PTPRN2: variants seen among roughly 807,000 people sequenced by gnomAD.
The protein encoded by PTPRN2 is protein tyrosine phosphatase receptor type N2, also known as receptor-type tyrosine-protein phosphatase N2.
Under a neutral mutation model 118.8 loss-of-function variants are expected in PTPRN2, and 74 were observed. That is an observed-to-expected ratio of 0.62 (90% confidence interval 0.52 to 0.76). The LOEUF is 0.76. Among genes scored for constraint, PTPRN2 ranks in the 30% least tolerant of loss-of-function variants. The probability of loss-of-function intolerance (pLI) is 0.00; values close to 1 mark genes in which losing one functional copy is unlikely to be tolerated. For missense variants in PTPRN2, 1,481 were observed against 1,394.4 expected, an observed-to-expected ratio of 1.06 and a Z score of -0.99; for synonymous variants, 641 against 608.0, an observed-to-expected ratio of 1.05 and a Z score of -0.80.
chr7:157,780,618 A>G lies in PTPRN2; in HGVS notation c.1789-97681T>C, dbSNP rs1449697833. Among the ~76,000 whole-genome samples, 1 of 152,154 alleles carries G rather than the reference A, an allele frequency of 6.6e-6. No individual in the cohort carries two copies. Among genetic ancestry groups the G allele is most frequent in the Admixed American group, 6.5e-5 (1 of 15,280 alleles). On this transcript the variant is annotated intron_variant, in intron 12 of 22. Transcript: ENST00000389418. This position sits in a 1 kb window ranked among gnomAD's most constrained non-coding sequence, Gnocchi z 4.5. ...ACCGTGAGAGGCCCCTGGACAAGGG[A>G]CTGCCTTCCTCTGTGCCTCAGTTTC...
chr7:157,702,914 G>A (rs1304179607), intron 12 of PTPRN2, among the ~76,000 whole-genome samples: 2 of 152,166 alleles, frequency 1.3e-5, no homozygotes, highest in African/African-American at 4.8e-5. Flanking sequence ...TACCTGAGGG[G>A]CCAAAATAGC....
chr7:158,544,894 G>A lies in PTPRN2; in HGVS notation c.112+42664C>T, dbSNP rs1826196103. Among the ~76,000 whole-genome samples, 3 of 152,250 alleles carry A rather than the reference G, an allele frequency of 2.0e-5. No homozygotes were observed. In the South Asian group the frequency reaches 6.2e-4, roughly 32 times the overall value. On this transcript the variant is annotated intron_variant, in intron 1 of 22. Transcript: ENST00000389418. The surrounding 1 kb of genome is among the most constrained non-coding windows in gnomAD (Gnocchi z 4.2). ...AACACTTACACCTGCCCACACTGGT[G>A]CTCACACTCACGTGATCACACCCAC...
rs887974554 is a variant in PTPRN2, at chr7:158,003,609, C to A, written c.1723+77689G>T. Among the ~76,000 whole-genome samples the A allele has an allele frequency of 6.6e-6, 1 of 152,058 alleles. No homozygotes were observed. The highest frequency in any genetic ancestry group is 2.4e-5 in the African/African-American group (1 of 41,402). On this transcript the variant is annotated intron_variant, in intron 11 of 22. Transcript: ENST00000389418. The surrounding 1 kb of genome is among the most constrained non-coding windows in gnomAD (Gnocchi z 5.0). ...AGCCCTGCCCACAGGCGTCCCAGAC[C>A]CAGGCCTTGGGGACTGCAGAGGATG...
At chr7:158,518,378 T>C (rs976520495) in intron 1 of PTPRN2, among the ~76,000 whole-genome samples, 18 of 151,980 alleles carry the variant, frequency 1.2e-4, no homozygotes, top group African/African-American at 4.1e-4. Flanking sequence ...GAGAAGGATA[T>C]GAACACACAG....
chr7:158,208,007 G>A (rs975391501), intron 3 of PTPRN2, among the ~76,000 whole-genome samples: 1 of 152,212 alleles, frequency 6.6e-6, no homozygotes, highest in African/African-American at 2.4e-5. Flanking sequence ...ACCCATTGCA[G>A]AATGCCTCAG....
chr7:158,587,403 C>T (rs1269791963), intron 1 of PTPRN2, among the ~76,000 whole-genome samples, 155 bp downstream of exon 1: 1 of 90,294 alleles, frequency 1.1e-5, no homozygotes, highest in Non-Finnish European at 2.3e-5. Context: ...ACTGAGGCGC[C>T]GCCCCTCCCC....
chr7:158,126,074 AACTTCCTCTCC>A (rs1817642602), intron 9 of PTPRN2, among the ~76,000 whole-genome samples: 7 of 134,548 alleles, frequency 5.2e-5, no homozygotes, highest in African/African-American at 9.0e-5. Context: ...CGGGCGGCGG[AACTTCCTCTCC>A]GCCACACCAG....
At chr7:157,757,424 T>C (rs565719473) in intron 12 of PTPRN2, among the ~76,000 whole-genome samples, 1 of 151,764 alleles carries the variant, frequency 6.6e-6, no homozygotes, top group East Asian at 2.0e-4. Context: ...GAGGCAGGAG[T>C]GCTGGAGCTC....
At chr7:157,648,828 T>G (rs1805360594) in intron 14 of PTPRN2, among the ~76,000 whole-genome samples, 1 of 145,408 alleles carries the variant, frequency 6.9e-6, no homozygotes, top group Non-Finnish European at 1.5e-5. Context: ...TGCACTGAAC[T>G]CGGTGGGTCG....
At position 158,166,261 on chromosome 7, in the gene PTPRN2, CTG is replaced by C. The variant is rs1822967106; in HGVS notation, c.910+668_910+669del. On this transcript the variant is annotated intron_variant, in intron 6 of 22. Transcript: ENST00000389418. ...CAGGATCATCTCCTCCTCCCCCTGG[CTG>C]CCGCGTTCCCTGTCCTCACACCCTC... is the stretch of plus-strand genomic sequence containing the variant. Among the ~76,000 whole-genome samples the C allele has an allele frequency of 4.0e-5, 5 of 125,828 alleles. 1 individual carries two copies. The highest frequency in any genetic ancestry group is 6.2e-5 in the African/African-American group (2 of 32,382). The allele number at this position is 125,828 out of a possible 152,430, so 82.5% of individuals were successfully genotyped here. A position where few individuals can be genotyped will look rare whatever the true frequency, so the allele number is the denominator to read the frequency against.
At chr7:157,998,115 G>T (rs1804921597) in intron 11 of PTPRN2, among the ~76,000 whole-genome samples, 1 of 144,176 alleles carries the variant, frequency 6.9e-6, no homozygotes, top group South Asian at 2.3e-4. Flanking sequence ...AGGGGGAGAG[G>T]AGTGTGGGGC....
chr7:157,938,365 T>A (rs979240277), intron 11 of PTPRN2, among the ~76,000 whole-genome samples: 1 of 152,222 alleles, frequency 6.6e-6, no homozygotes, highest in Non-Finnish European at 1.5e-5. Flanking sequence ...CAGAGGCACC[T>A]GCTTCTGCCC....
chr7:157,921,149 C>T (rs968720550), intron 11 of PTPRN2, among the ~76,000 whole-genome samples: 15 of 152,144 alleles, frequency 9.9e-5, no homozygotes, highest in Admixed American at 2.6e-4. Context: ...AGGGCTAAAA[C>T]GGAATGAGCC....
At position 157,964,737 on chromosome 7, in the gene PTPRN2, C is replaced by G. The variant is rs1801789811; in HGVS notation, c.1724-66000G>C. ...ACCTCAGAGCTTGGCACTGGGTGCT[C>G]TGATTCCCTTCCTCAAGCTTCCCAC... On this transcript the variant is annotated intron_variant, in intron 11 of 22. Transcript: ENST00000389418. The surrounding 1 kb of genome is among the most constrained non-coding windows in gnomAD (Gnocchi z 9.0). Among the ~76,000 whole-genome samples, 1 of 152,162 alleles carries G rather than the reference C, an allele frequency of 6.6e-6. No individual in the cohort carries two copies. Among genetic ancestry groups the G allele is most frequent in the Admixed American group, 6.5e-5 (1 of 15,272 alleles).
intron 1 of PTPRN2, among the ~76,000 whole-genome samples, chr7:158,576,457 G>A (rs746670682): frequency 2.0e-5 from 3 of 152,294 alleles, no homozygotes; most frequent in Middle Eastern, 3.4e-3. Flanking sequence ...GACAAGCCCC[G>A]GGGCCCACAG....
At chr7:158,573,579 A>G (rs1029092122) in intron 1 of PTPRN2, among the ~76,000 whole-genome samples, 1 of 152,138 alleles carries the variant, frequency 6.6e-6, no homozygotes, top group Admixed American at 6.5e-5. Flanking sequence ...GTCTCTGTCC[A>G]GGAAGGTCAA....
In PTPRN2 at chr7:157,787,072, C is replaced by T. The variant is rs1180663644; in HGVS notation, c.1789-104135G>A. Among the ~76,000 whole-genome samples the T allele has an allele frequency of 3.7e-5, 5 of 134,766 alleles. No homozygotes were observed. The highest frequency in any genetic ancestry group is 6.4e-5 in the Non-Finnish European group (4 of 62,552). The allele number at this position is 134,766 out of a possible 152,430, so 88.4% of individuals were successfully genotyped here. ...GCTGCCCGGGAGGCGGACGCGGGTG[C>T]GGCGGGGGACGCGGGGGTGGCTGCC... On this transcript the variant is annotated intron_variant, in intron 12 of 22. Transcript: ENST00000389418. This position sits in a 1 kb window ranked among gnomAD's most constrained non-coding sequence, Gnocchi z 5.3.
intron 3 of PTPRN2, among the ~76,000 whole-genome samples, chr7:158,309,638 T>TA (rs1311890615): frequency 1.3e-5 from 2 of 152,096 alleles, no homozygotes; most frequent in African/African-American, 4.8e-5. Flanking sequence ...AATACGGACA[T>TA]AAAAATTCTC....
At chr7:157,767,561 C>T (rs1489332702) in intron 12 of PTPRN2, among the ~76,000 whole-genome samples, 2 of 152,242 alleles carry the variant, frequency 1.3e-5, no homozygotes, top group African/African-American at 4.8e-5. Flanking sequence ...GGAAACACTG[C>T]ATTGGGGAAG....
Sources: allele counts gnomAD v4.1 joint callset (sites outside exome capture counted in the v4.1 genomes callset), GRCh38; gene constraint gnomAD v4.1.1; non-coding constraint Gnocchi (gnomAD v3.1); transcripts MANE v1.5; gene names NCBI Gene and HGNC (gene_info 2026-07-23, HGNC 2026-07-21).